FBXO36: variants seen among roughly 807,000 people sequenced by gnomAD.
FBXO36 encodes F-box protein 36, also known as F-box only protein 36.
In FBXO36, 18 loss-of-function variants were observed where a neutral mutation model predicts 17.0. That is an observed-to-expected ratio of 1.06 (90% CI 0.73 to 1.57). FBXO36 has a LOEUF of 1.57. Ranked by LOEUF, FBXO36 falls within the 40% of genes most tolerant of loss-of-function variation. The pLI is 0.00. For missense variants in FBXO36, 229 were observed against 221.9 expected (o/e 1.03, Z -0.20); for synonymous variants, 83 against 85.3 (o/e 0.97, Z 0.15).
chr2:229,924,812 AGGCTGGAGTGCAGT>A (rs2076898670), intron 1 of FBXO36, among the ~76,000 whole-genome samples: 1 of 150,654 alleles, frequency 6.6e-6, no homozygotes, highest in Non-Finnish European at 1.5e-5. Context: ...ACTGTCGCCC[AGGCTGGAGTGCAGT>A]GGCTCAATCT....
chr2:229,928,227 G>C (rs1214332721), intron 1 of FBXO36, among the ~76,000 whole-genome samples: 1 of 152,172 alleles, frequency 6.6e-6, no homozygotes, highest in Non-Finnish European at 1.5e-5. Context: ...AAACAATGCG[G>C]TGGATCTCTG....
chr2:229,993,797 G>A lies in FBXO36; in HGVS notation c.206-2954G>A, dbSNP rs1012643561. On this transcript the variant is annotated intron_variant, in intron 2 of 3. Coordinates refer to ENST00000283946, the MANE Select transcript of FBXO36 (RefSeq NM_174899.5). ...TTTATTTATTTTTGGCAGGGACGGA[G>A]TTTGGCTCTGTCACTCAGGCTGGAG... Among the ~76,000 whole-genome samples the A allele has an allele frequency of 1.1e-4, 16 of 152,180 alleles. No individual in the cohort carries two copies. In the East Asian group the frequency reaches 2.7e-3, roughly 26 times the overall value.
intron 3 of FBXO36, among the ~76,000 whole-genome samples, chr2:229,997,707 A>C (rs1038256756): frequency 1.3e-5 from 2 of 152,022 alleles, no homozygotes; most frequent in African/African-American, 4.8e-5. Flanking sequence ...TGGGCTGTCC[A>C]TTGCAGTGTC....
chr2:229,937,169 A>T, intron 1 of FBXO36, among the ~76,000 whole-genome samples: 1 of 152,120 alleles, frequency 6.6e-6, no homozygotes, highest in Non-Finnish European at 1.5e-5. Context: ...AATCGTTGGA[A>T]TATAGTGCGG....
chr2:229,935,137 G>T (rs988451925), intron 1 of FBXO36, among the ~76,000 whole-genome samples: 50 of 152,316 alleles, frequency 3.3e-4, no homozygotes, highest in African/African-American at 1.1e-3. Context: ...ACAGAGGAAA[G>T]CATCTGTCAT....
chr2:229,990,506 TA>T (rs1419305812), intron 2 of FBXO36, among the ~76,000 whole-genome samples: 2 of 152,186 alleles, frequency 1.3e-5, no homozygotes, highest in African/African-American at 4.8e-5. Flanking sequence ...GATGGTTATC[TA>T]AAAAAATACG....
In FBXO36 at chr2:230,011,046, C is replaced by T; in HGVS notation, c.*162C>T. On this transcript the variant is annotated 3_prime_UTR_variant, in exon 4 of 4. Transcript: ENST00000283946. ...TGCACACAAATGCAGCAGAGTCTGG[C>T]TCCCCAGTGCCTTGCTAGAGTCACC... 4.1e-6 allele frequency: 3 copies of T among 735,768 alleles called. No individual in the cohort carries two copies. The highest frequency in any genetic ancestry group is 6.4e-6 in the Non-Finnish European group (3 of 467,756). The allele number at this position is 735,768 out of a possible 1,614,324, so 45.6% of individuals were successfully genotyped here. A position where few individuals can be genotyped will look rare whatever the true frequency, so the allele number is the denominator to read the frequency against.
chr2:229,946,377 C>T (rs1468810144), intron 1 of FBXO36, among the ~76,000 whole-genome samples: 1 of 152,232 alleles, frequency 6.6e-6, no homozygotes, highest in African/African-American at 2.4e-5. Flanking sequence ...TTTCCCCAAT[C>T]TTTGCCTAGT....
At chr2:229,939,033 A>G (rs1286265994) in intron 1 of FBXO36, 1 of 145,538 alleles carries the variant, frequency 6.9e-6, no homozygotes, top group Non-Finnish European at 1.4e-5. Flanking sequence ...AAAAACAGAT[A>G]CACCTTTTTT....
chr2:229,986,533 A>AATTT (rs1560450936), intron 2 of FBXO36, among the ~76,000 whole-genome samples: 1 of 140,364 alleles, frequency 7.1e-6, no homozygotes, highest in Non-Finnish European at 1.6e-5. Flanking sequence ...AAACATAAAA[A>AATTT]TTTTTTTTTT....
At chr2:230,009,944 TA>T (rs1316846520) in intron 3 of FBXO36, among the ~76,000 whole-genome samples, 4 of 139,106 alleles carry the variant, frequency 2.9e-5, no homozygotes, top group African/African-American at 5.4e-5. Context: ...AGACTCTGTC[TA>T]AAAAAAATAA....
At chr2:229,963,590 G>A (rs935308568) in intron 1 of FBXO36, among the ~76,000 whole-genome samples, 24 of 151,666 alleles carry the variant, frequency 1.6e-4, no homozygotes, top group Admixed American at 1.1e-3. Flanking sequence ...GACTACAGGC[G>A]CCCGCCACCA....
chr2:229,931,754 G>A (rs768876518), intron 1 of FBXO36, among the ~76,000 whole-genome samples: 1 of 152,048 alleles, frequency 6.6e-6, no homozygotes, highest in African/African-American at 2.4e-5. Flanking sequence ...CAGCAGAATC[G>A]CTTGAACCTG....
chr2:230,008,977 G>A (rs1437934610), intron 3 of FBXO36, among the ~76,000 whole-genome samples: 1 of 152,208 alleles, frequency 6.6e-6, no homozygotes, highest in African/African-American at 2.4e-5. Flanking sequence ...TGTTTGCGCA[G>A]AAAGGATCTT....
chr2:229,930,538 G>A (rs1054430994), intron 1 of FBXO36, among the ~76,000 whole-genome samples: 22 of 152,094 alleles, frequency 1.4e-4, no homozygotes, highest in South Asian at 8.3e-4. Flanking sequence ...ATCACCTGAG[G>A]TCGGGAGGTC....
intron 2 of FBXO36, among the ~76,000 whole-genome samples, chr2:229,995,089 G>A (rs2077318163): frequency 6.6e-6 from 1 of 152,012 alleles, no homozygotes; most frequent in African/African-American, 2.4e-5. Flanking sequence ...ACTCCAGCCT[G>A]GGTGACAGAG....
At chr2:229,961,046 T>A (rs986518742) in intron 1 of FBXO36, among the ~76,000 whole-genome samples, 1 of 151,660 alleles carries the variant, frequency 6.6e-6, no homozygotes, top group Non-Finnish European at 1.5e-5. Context: ...AGGCAGAGGT[T>A]GCAGTGAGCC....
At chr2:229,982,509 T>C (rs2077245783) in intron 2 of FBXO36, among the ~76,000 whole-genome samples, 1 of 152,054 alleles carries the variant, frequency 6.6e-6, no homozygotes, top group Non-Finnish European at 1.5e-5. Context: ...ATCTCCCATC[T>C]CAAGATCCTT....
intron 1 of FBXO36, chr2:229,932,677 CA>C (rs561251923): frequency 4.4e-4 from 64 of 145,902 alleles, no homozygotes; most frequent in South Asian, 3.3e-3. Context: ...GGCTCCGTCT[CA>C]AAAAAAAAAG....
Sources: allele counts gnomAD v4.1 joint callset (sites outside exome capture counted in the v4.1 genomes callset), GRCh38; gene constraint gnomAD v4.1.1; transcripts MANE v1.5; gene names NCBI Gene and HGNC (gene_info 2026-07-23, HGNC 2026-07-21).